SLCO3A1: variants seen among roughly 807,000 people sequenced by gnomAD.
The protein encoded by SLCO3A1 is solute carrier organic anion transporter family member 3A1.
In SLCO3A1, 27 loss-of-function variants were observed where a neutral mutation model predicts 63.1. The observed-to-expected ratio is 0.43, with a 90% CI of 0.32 to 0.59. SLCO3A1 has a LOEUF of 0.59. Ranked by LOEUF, SLCO3A1 falls within the 20% of genes least tolerant of loss-of-function variation. The probability of loss-of-function intolerance (pLI) is 0.09; values close to 1 mark genes in which losing one functional copy is unlikely to be tolerated. For missense variants in SLCO3A1, 773 were observed against 945.8 expected (o/e 0.82, Z 2.40); for synonymous variants, 473 against 409.9 (o/e 1.15, Z -1.86).
At chr15:91,961,683 A>C (rs1462752710) in intron 2 of SLCO3A1, among the ~76,000 whole-genome samples, 1 of 152,150 alleles carries the variant, frequency 6.6e-6, no homozygotes, top group Non-Finnish European at 1.5e-5. Context: ...CCTTCCCTGA[A>C]TACCCTTCCC....
chr15:92,058,540 G>T (rs761772848), intron 2 of SLCO3A1, among the ~76,000 whole-genome samples: 4 of 152,078 alleles, frequency 2.6e-5, no homozygotes, highest in Non-Finnish European at 5.9e-5. Flanking sequence ...CTATCCCATG[G>T]AAGAGAAGAA....
intron 7 of SLCO3A1, among the ~76,000 whole-genome samples, chr15:92,143,646 C>G (rs1318373038): frequency 7.0e-6 from 1 of 142,706 alleles, no homozygotes; most frequent in Non-Finnish European, 1.5e-5. Context: ...AGAATTACCT[C>G]CTGGTTTTTG....
At chr15:91,975,090 G>A (rs1901047263) in intron 2 of SLCO3A1, among the ~76,000 whole-genome samples, 1 of 152,178 alleles carries the variant, frequency 6.6e-6, no homozygotes, top group Non-Finnish European at 1.5e-5. Flanking sequence ...TGCAAATAAA[G>A]TGCCTGGAAT....
At position 91,916,529 on chromosome 15, in the gene SLCO3A1, G is replaced by A; in HGVS notation, c.646+71G>A. 2 of 1,204,136 alleles carry A rather than the reference G, an allele frequency of 1.7e-6. No individual in the cohort carries two copies. The highest frequency in any genetic ancestry group is 2.3e-6 in the Non-Finnish European group (2 of 862,066). 74.6% of individuals were successfully genotyped at this position (1,204,136 alleles called of 1,614,324 possible). On this transcript the variant is annotated intron_variant, in intron 2 of 9. Coordinates refer to ENST00000318445, the MANE Select transcript of SLCO3A1 (RefSeq NM_013272.4). The surrounding 1 kb of genome is among the most constrained non-coding windows in gnomAD (Gnocchi z 6.2). The stretch of plus-strand genomic sequence containing the variant: ...ACCATGGATAAAAGGTGGCCTGGTG[G>A]ACTTTGATTTTGCCAGAGTACTGGT...
At chr15:91,959,723 CAAAAA>C (rs34759500) in intron 2 of SLCO3A1, among the ~76,000 whole-genome samples, 5 of 71,986 alleles carry the variant, frequency 6.9e-5, no homozygotes, top group African/African-American at 1.6e-4. Flanking sequence ...GACTCCATCT[CAAAAA>C]AAAAAAAAAA....
At chr15:91,944,686 T>A (rs1363580436) in intron 2 of SLCO3A1, among the ~76,000 whole-genome samples, 1 of 152,048 alleles carries the variant, frequency 6.6e-6, no homozygotes, top group Non-Finnish European at 1.5e-5. Flanking sequence ...CGAGATGCTT[T>A]TCAAAGAGGA....
At chr15:92,004,241 G>T (rs1299675537) in intron 2 of SLCO3A1, among the ~76,000 whole-genome samples, 1 of 152,200 alleles carries the variant, frequency 6.6e-6, no homozygotes, top group Non-Finnish European at 1.5e-5. Context: ...ACAGGTTCTA[G>T]GCTGTGCCAC....
At chr15:92,074,370 G>C (rs1027963483) in intron 2 of SLCO3A1, among the ~76,000 whole-genome samples, 4 of 152,156 alleles carry the variant, frequency 2.6e-5, no homozygotes, top group African/African-American at 9.7e-5. Flanking sequence ...TGCACAATTT[G>C]TCTCTTCCCT....
chr15:92,089,176 G>A (rs1359134037), intron 2 of SLCO3A1, among the ~76,000 whole-genome samples: 1 of 151,998 alleles, frequency 6.6e-6, no homozygotes, highest in East Asian at 1.9e-4. Context: ...ACAGGCACCT[G>A]CCACTACGCC....
At chr15:91,938,566 G>A (rs1899503278) in intron 2 of SLCO3A1, among the ~76,000 whole-genome samples, 1 of 148,584 alleles carries the variant, frequency 6.7e-6, no homozygotes, top group Non-Finnish European at 1.5e-5. Context: ...TTTTCCATGT[G>A]TCAGGCTACT....
At chr15:92,025,003 A>C (rs2046554077) in intron 2 of SLCO3A1, among the ~76,000 whole-genome samples, 1 of 149,804 alleles carries the variant, frequency 6.7e-6, no homozygotes, top group African/African-American at 2.4e-5. Flanking sequence ...CCAGCCTTCC[A>C]TCCATCTGTT....
chr15:92,109,519 G>T (rs1173609108), intron 4 of SLCO3A1, among the ~76,000 whole-genome samples: 5 of 152,166 alleles, frequency 3.3e-5, no homozygotes, highest in Non-Finnish European at 7.4e-5. Flanking sequence ...TTTCTAGCTG[G>T]GATGAGTGTA....
chr15:91,916,994 A>G lies in SLCO3A1; in HGVS notation c.646+536A>G, dbSNP rs1383396230. Among the ~76,000 whole-genome samples the G allele has an allele frequency of 6.6e-6, 1 of 152,186 alleles. No individual in the cohort carries two copies. Among genetic ancestry groups the G allele is most frequent in the Non-Finnish European group, 1.5e-5 (1 of 68,028 alleles). ...TTGGGTATGTAGAGAGAAATAAGGT[A>G]TTTGTGTTTTGAAAAGTTATTTTTC... On this transcript the variant is annotated intron_variant, in intron 2 of 9. Transcript: ENST00000318445. The surrounding 1 kb of genome is among the most constrained non-coding windows in gnomAD (Gnocchi z 6.2).
chr15:91,985,747 G>A (rs1254030297), intron 2 of SLCO3A1, among the ~76,000 whole-genome samples: 1 of 152,156 alleles, frequency 6.6e-6, no homozygotes, highest in East Asian at 1.9e-4. Context: ...TCTGGAGGGT[G>A]GTTGCTTGCA....
chr15:92,091,976 G>A (rs2047483168), intron 2 of SLCO3A1, among the ~76,000 whole-genome samples: 1 of 152,186 alleles, frequency 6.6e-6, no homozygotes, highest in Non-Finnish European at 1.5e-5. Flanking sequence ...TCCACAGCAG[G>A]CCACTGCTGT....
At chr15:92,147,237 C>A in intron 8 of SLCO3A1, 78 bp downstream of exon 8, 1 of 1,413,776 alleles carries the variant, frequency 7.1e-7, no homozygotes, top group Non-Finnish European at 9.7e-7. Context: ...ACCAGAGCTT[C>A]AGACAACAGG....
At chr15:91,864,806 C>T (rs535163940) in intron 1 of SLCO3A1, among the ~76,000 whole-genome samples, 12 of 152,258 alleles carry the variant, frequency 7.9e-5, no homozygotes, top group South Asian at 2.1e-4. Context: ...TTTTTGCACC[C>T]GGTGAGCCCA....
intron 3 of SLCO3A1, among the ~76,000 whole-genome samples, chr15:92,102,740 C>T (rs1462577652): frequency 6.6e-6 from 1 of 152,190 alleles, no homozygotes; most frequent in Non-Finnish European, 1.5e-5. Context: ...ACTGGAAGAG[C>T]TGGTGGCCTT....
chr15:91,897,480 C>T lies in SLCO3A1; in HGVS notation c.181-18513C>T, dbSNP rs146978976. ...CAAACAAACAAACAAACCCCCAAAA[C>T]TTATAAAGCTGGATGTTCCAACTAA... On this transcript the variant is annotated intron_variant, in intron 1 of 9. Coordinates refer to ENST00000318445, the MANE Select transcript of SLCO3A1 (RefSeq NM_013272.4). The surrounding 1 kb of genome is among the most constrained non-coding windows in gnomAD (Gnocchi z 4.7). Among the ~76,000 whole-genome samples the T allele has an allele frequency of 1.6e-4, 25 of 152,222 alleles. No individual in the cohort carries two copies. The highest frequency in any genetic ancestry group is 3.1e-4 in the Non-Finnish European group (21 of 68,012).
Sources: gnomAD v4.1 joint callset for allele counts (sites outside exome capture counted in the v4.1 genomes callset) on GRCh38, gnomAD v4.1.1 for gene constraint, Gnocchi (gnomAD v3.1) non-coding constraint, MANE v1.5 for transcripts, NCBI Gene and HGNC (gene_info 2026-07-23, HGNC 2026-07-21) for gene names.